ITPR2: variants seen among roughly 807,000 people sequenced by gnomAD.
The protein encoded by ITPR2 is inositol 1,4,5-trisphosphate-gated calcium channel ITPR2.
Under a neutral mutation model 317.1 loss-of-function variants are expected in ITPR2, and 207 were observed. That is an observed-to-expected ratio of 0.65 (90% CI 0.58 to 0.73). The LOEUF (loss-of-function observed/expected upper bound fraction) is 0.73, where lower values mean the gene tolerates loss of function less well. ITPR2 is among the 30% of genes least tolerant of loss of function. The pLI is 0.00. For missense variants in ITPR2, 2,613 were observed against 3,284.0 expected, an observed-to-expected ratio of 0.80 and a Z score of 4.99; for synonymous variants, 1,156 against 1,149.1, an observed-to-expected ratio of 1.01 and a Z score of -0.12.
At chr12:26,456,056 T>C (rs1368848453) in intron 45 of ITPR2, among the ~76,000 whole-genome samples, 1 of 152,180 alleles carries the variant, frequency 6.6e-6, no homozygotes, top group African/African-American at 2.4e-5. Context: ...TCAGAGGCAT[T>C]TGAACCAGAG....
intron 37 of ITPR2, among the ~76,000 whole-genome samples, chr12:26,523,861 G>A (rs959820727): frequency 6.6e-6 from 1 of 152,238 alleles, no homozygotes; most frequent in Non-Finnish European, 1.5e-5. Context: ...CTCCAGTGGA[G>A]CACAGTGCCA....
intron 37 of ITPR2, among the ~76,000 whole-genome samples, chr12:26,515,809 A>G (rs1241500403): frequency 1.3e-5 from 2 of 151,832 alleles, no homozygotes; most frequent in East Asian, 3.9e-4. Flanking sequence ...GAGAAAAGGC[A>G]AGGTCAGAAA....
At chr12:26,687,981 AG>A (rs1466529954) in intron 10 of ITPR2, among the ~76,000 whole-genome samples, 6 of 152,312 alleles carry the variant, frequency 3.9e-5, no homozygotes, top group Non-Finnish European at 1.5e-5. Flanking sequence ...ATACATCATA[AG>A]GGAGTATGGG....
intron 37 of ITPR2, among the ~76,000 whole-genome samples, chr12:26,548,819 G>A (rs1944452034): frequency 6.6e-6 from 1 of 152,118 alleles, no homozygotes; most frequent in South Asian, 2.1e-4. Flanking sequence ...GATAGCAGTG[G>A]GAATGGAAAG....
chr12:26,572,602 G>A (rs996452570), intron 34 of ITPR2, among the ~76,000 whole-genome samples: 2 of 152,172 alleles, frequency 1.3e-5, no homozygotes, highest in African/African-American at 4.8e-5. Flanking sequence ...CGTGGGGTTG[G>A]ATCCCACCAA....
At chr12:26,507,863 C>CTCTCTGTGTGTGTGTGTGTG (rs372756412) in intron 37 of ITPR2, among the ~76,000 whole-genome samples, 4 of 132,284 alleles carry the variant, frequency 3.0e-5, no homozygotes, top group African/African-American at 1.1e-4. Context: ...CTCTCTGTCT[C>CTCTCTGTGTGTGTGTGTGTG]TGTGTGTGTG....
intron 37 of ITPR2, 41 bp from the exon 38 acceptor site, chr12:26,495,301 A>T: frequency 9.1e-7 from 1 of 1,099,614 alleles, no homozygotes; most frequent in Non-Finnish European, 1.4e-6. Flanking sequence ...TCCCTTTTCT[A>T]ATAAAAGTGA....
chr12:26,382,826 T>C (rs776643781), intron 55 of ITPR2, among the ~76,000 whole-genome samples: 3 of 152,240 alleles, frequency 2.0e-5, no homozygotes, highest in Non-Finnish European at 4.4e-5. Context: ...TTATTTACAA[T>C]GTATGTTTGA....
At chr12:26,739,961 T>C (rs1460828983) in intron 2 of ITPR2, among the ~76,000 whole-genome samples, 2 of 152,218 alleles carry the variant, frequency 1.3e-5, no homozygotes, top group Non-Finnish European at 2.9e-5. Flanking sequence ...TTGGTTTGCT[T>C]GGCATGTGGG....
At chr12:26,595,651 A>G in intron 31 of ITPR2, 61 bp from the exon 32 acceptor site, 1 of 1,321,166 alleles carries the variant, frequency 7.6e-7, no homozygotes. Flanking sequence ...TTCAAATATC[A>G]ATTATGAAAG....
In ITPR2 at chr12:26,589,833, C is replaced by T. The variant is rs12824109; in HGVS notation, c.4380+5632G>A. ...AAAAATAAATAAATAAATAAATAAACATATATATATATATATATATACACA... is the reference window on the plus strand; with the variant it reads ...AAAAATAAATAAATAAATAAATAAATATATATATATATATATATATACACA... On this transcript the variant is annotated intron_variant, in intron 32 of 56. Coordinates refer to ENST00000381340, the MANE Select transcript of ITPR2 (RefSeq NM_002223.4). Among the ~76,000 whole-genome samples, 75 of 32,846 alleles carry T rather than the reference C, an allele frequency of 2.3e-3. 2 individuals carry two copies. Among genetic ancestry groups the T allele is most frequent in the African/African-American group, 3.7e-3 (39 of 10,580 alleles). The allele number at this position is 32,846 out of a possible 152,430, so 21.5% of individuals were successfully genotyped here.
chr12:26,661,286 GGGT>G (rs1565673645), intron 15 of ITPR2, among the ~76,000 whole-genome samples: 50 of 101,342 alleles, frequency 4.9e-4, no homozygotes, highest in African/African-American at 8.9e-4. Flanking sequence ...GGGGGGGGGG[GGGT>G]GGGAGGGAAC....
intron 2 of ITPR2, among the ~76,000 whole-genome samples, chr12:26,751,935 C>T (rs547288666): frequency 6.6e-6 from 1 of 151,642 alleles, no homozygotes; most frequent in South Asian, 2.1e-4. Flanking sequence ...CGAACCCAGA[C>T]ACAAATTTTT....
rs949201898 is a variant in ITPR2 at position 26,599,449 on chromosome 12, C to T, written c.3802-104G>A. ...CTTGTGATCAGTTTTATATTTTATA[C>T]GAAGCCACAGTGAATTTTCTGTGCA... On this transcript the variant is annotated intron_variant, in intron 29 of 56. Coordinates refer to ENST00000381340, the MANE Select transcript of ITPR2 (RefSeq NM_002223.4). The T allele has an allele frequency of 3.0e-5, 30 of 1,013,958 alleles. No homozygotes were observed. In the Admixed American group the frequency reaches 3.2e-4, roughly 11 times the overall value. 62.8% of individuals were successfully genotyped at this position (1,013,958 alleles called of 1,614,324 possible). A position where few individuals can be genotyped will look rare whatever the true frequency, so the allele number is the denominator to read the frequency against.
At chr12:26,560,365 T>A (rs1472488697) in intron 35 of ITPR2, among the ~76,000 whole-genome samples, 2 of 152,198 alleles carry the variant, frequency 1.3e-5, no homozygotes, top group Non-Finnish European at 2.9e-5. Context: ...CCAACTATTA[T>A]CTTCAAATAT....
chr12:26,794,847 A>C (rs1302674298), intron 1 of ITPR2, among the ~76,000 whole-genome samples: 2 of 152,204 alleles, frequency 1.3e-5, no homozygotes, highest in Non-Finnish European at 2.9e-5. Context: ...CCAGATCTAC[A>C]AGACCAAAGA....
At chr12:26,447,473 C>T (rs4963998) in intron 45 of ITPR2, among the ~76,000 whole-genome samples, 5 of 151,448 alleles carry the variant, frequency 3.3e-5, no homozygotes, top group African/African-American at 9.7e-5. Context: ...ATCTTTTTAC[C>T]GCTGAGATTT....
At chr12:26,543,165 T>A (rs1565592508) in intron 37 of ITPR2, among the ~76,000 whole-genome samples, 1 of 152,094 alleles carries the variant, frequency 6.6e-6, no homozygotes, top group Non-Finnish European at 1.5e-5. Context: ...TTCCTCTGAG[T>A]GCAGTCCTTA....
intron 26 of ITPR2, among the ~76,000 whole-genome samples, chr12:26,616,372 T>C (rs2136788420): frequency 6.6e-6 from 1 of 151,978 alleles, no homozygotes; most frequent in East Asian, 1.9e-4. Flanking sequence ...CTCCTGACCT[T>C]GTGATCCACC....
Sources: allele counts gnomAD v4.1 joint callset (sites outside exome capture counted in the v4.1 genomes callset), GRCh38; gene constraint gnomAD v4.1.1; transcripts MANE v1.5; gene names NCBI Gene and HGNC (gene_info 2026-07-23, HGNC 2026-07-21).